The following ST18 variants were observed in gnomAD, a reference collection of about 807,000 sequenced individuals.
ST18 encodes the protein suppression of tumorigenicity 18 protein.
Under a neutral mutation model 110.0 loss-of-function variants are expected in ST18, and 50 were observed. The observed-to-expected ratio is 0.45, with a 90% CI of 0.36 to 0.58. The LOEUF is 0.58. ST18 is among the 20% of genes least tolerant of loss of function. The probability of loss-of-function intolerance (pLI) is 0.00; values close to 1 mark genes in which losing one functional copy is unlikely to be tolerated. For synonymous variants in ST18, 461 were observed against 452.4 expected (o/e 1.02, Z -0.24); for missense variants, 1,306 against 1,280.1 (o/e 1.02, Z -0.31).
intron 2 of ST18, among the ~76,000 whole-genome samples, chr8:52,250,948 A>G (rs1728249213): frequency 6.6e-6 from 1 of 152,178 alleles, no homozygotes; most frequent in Non-Finnish European, 1.5e-5. Flanking sequence ...TCTTGGTATT[A>G]AACCCCCATT....
rs930973484 is a variant in ST18, at chr8:52,319,291, T to C, written c.-464-89214A>G. Among the ~76,000 whole-genome samples, 56 of 152,318 alleles carry C rather than the reference T, an allele frequency of 3.7e-4. 1 individual carries two copies. The highest frequency in any genetic ancestry group is 7.1e-4 in the Non-Finnish European group (48 of 68,026). On this transcript the variant is annotated intron_variant, in intron 2 of 25. Transcript: ENST00000689386. ...AATACAAAGCATTTCTCTGTGTATA[T>C]ATGTACATATTAATTAACCATGCCA...
intron 14 of ST18, among the ~76,000 whole-genome samples, chr8:52,160,611 T>C (rs544001851): frequency 1.1e-4 from 17 of 152,342 alleles, no homozygotes; most frequent in South Asian, 1.0e-3. Flanking sequence ...TAAGTGACCA[T>C]AATGAAGAAA....
chr8:52,129,845 G>C (rs1053561347), intron 22 of ST18, among the ~76,000 whole-genome samples: 1 of 152,022 alleles, frequency 6.6e-6, no homozygotes, highest in Non-Finnish European at 1.5e-5. Context: ...AGGAGTTCGA[G>C]ACCAGCCTGA....
chr8:52,178,319 A>T (rs2067710726), intron 9 of ST18, among the ~76,000 whole-genome samples: 1 of 152,040 alleles, frequency 6.6e-6, no homozygotes, highest in Non-Finnish European at 1.5e-5. Flanking sequence ...CAACTTGCAA[A>T]TTTTCATGAA....
At chr8:52,388,925 C>A (rs908967682) in intron 2 of ST18, among the ~76,000 whole-genome samples, 1 of 150,368 alleles carries the variant, frequency 6.7e-6, no homozygotes, top group African/African-American at 2.4e-5. Flanking sequence ...TGTAACTAAC[C>A]TGCACATTGT....
chr8:52,174,430 C>T (rs1478813929), intron 9 of ST18, among the ~76,000 whole-genome samples: 1 of 152,236 alleles, frequency 6.6e-6, no homozygotes, highest in Admixed American at 6.5e-5. Flanking sequence ...CTCCACTTAA[C>T]TACCCACATG....
chr8:52,392,895 G>C (rs1839785036), intron 2 of ST18, among the ~76,000 whole-genome samples: 1 of 152,226 alleles, frequency 6.6e-6, no homozygotes, highest in Non-Finnish European at 1.5e-5. Flanking sequence ...TGACTGGTCT[G>C]ATTGGTTGTG....
intron 2 of ST18, among the ~76,000 whole-genome samples, chr8:52,293,020 G>A (rs1020931280): frequency 2.0e-5 from 3 of 152,142 alleles, no homozygotes; most frequent in African/African-American, 4.8e-5. Flanking sequence ...GAAATTAATC[G>A]ATCGTGAGAA....
chr8:52,236,953 C>G (rs2092765220), intron 2 of ST18, among the ~76,000 whole-genome samples: 1 of 152,178 alleles, frequency 6.6e-6, no homozygotes, highest in South Asian at 2.1e-4. Flanking sequence ...AATGGTGACA[C>G]ACTCTGTCTC....
At chr8:52,151,230 G>T (rs1393621932) in intron 15 of ST18, among the ~76,000 whole-genome samples, 6 of 151,880 alleles carry the variant, frequency 4.0e-5, no homozygotes, top group Non-Finnish European at 2.9e-5. Flanking sequence ...CCACTGGGCT[G>T]CATCAGCTGG....
intron 2 of ST18, among the ~76,000 whole-genome samples, chr8:52,334,307 C>G (rs1811034537): frequency 6.6e-6 from 1 of 152,096 alleles, no homozygotes; most frequent in Non-Finnish European, 1.5e-5. Context: ...CTAATTCTCC[C>G]TTGATAGTAT....
rs114345988 is a variant in ST18, at chr8:52,164,748, C to T, written c.1295+387G>A. ...TACAACCATTGAAGCCCTGTTGGTA[C>T]CTTTTTAATGTCTATTGGACAGGAT... is the stretch of plus-strand genomic sequence containing the variant. On this transcript the variant is annotated intron_variant, in intron 12 of 25. Transcript: ENST00000689386. Among the ~76,000 whole-genome samples, 7 of 152,170 alleles carry T rather than the reference C, an allele frequency of 4.6e-5. No individual in the cohort carries two copies. In the South Asian group the frequency reaches 8.3e-4, roughly 18 times the overall value.
chr8:52,205,114 C>T (rs2079497721), intron 8 of ST18, among the ~76,000 whole-genome samples: 1 of 149,730 alleles, frequency 6.7e-6, no homozygotes, highest in South Asian at 2.1e-4. Context: ...CACACACACA[C>T]ACTATGCTTT....
intron 2 of ST18, among the ~76,000 whole-genome samples, chr8:52,368,648 C>T (rs569557537): frequency 6.6e-6 from 1 of 152,176 alleles, no homozygotes; most frequent in Admixed American, 6.5e-5. Context: ...TCCAGGTTTC[C>T]GCATGTGGCG....
intron 2 of ST18, among the ~76,000 whole-genome samples, chr8:52,255,409 C>G (rs902890260): frequency 6.6e-6 from 1 of 152,128 alleles, no homozygotes; most frequent in Non-Finnish European, 1.5e-5. Flanking sequence ...AGCCCTTTTA[C>G]GTCTTAAAGG....
intron 23 of ST18, among the ~76,000 whole-genome samples, chr8:52,122,438 A>T (rs1182012421): frequency 6.6e-6 from 1 of 151,986 alleles, no homozygotes; most frequent in Non-Finnish European, 1.5e-5. Flanking sequence ...TTATATTTCA[A>T]ACAAATTCTA....
intron 10 of ST18, among the ~76,000 whole-genome samples, chr8:52,167,306 G>T (rs1419024082): frequency 6.6e-6 from 1 of 152,166 alleles, no homozygotes; most frequent in Non-Finnish European, 1.5e-5. Context: ...GGATGAACAG[G>T]CTCCCGAAAA....
intron 22 of ST18, among the ~76,000 whole-genome samples, chr8:52,131,058 TACTGAA>T: frequency 6.6e-6 from 1 of 152,242 alleles, no homozygotes; most frequent in South Asian, 2.1e-4. Flanking sequence ...AAACAGGTTT[TACTGAA>T]TATTTAAATA....
chr8:52,305,154 A>T (rs561308295), intron 2 of ST18, among the ~76,000 whole-genome samples: 17 of 152,364 alleles, frequency 1.1e-4, no homozygotes, highest in African/African-American at 4.1e-4. Flanking sequence ...AATGTAGCAT[A>T]AGAATAAAAT....
Sources: allele counts gnomAD v4.1 joint callset (sites outside exome capture counted in the v4.1 genomes callset), GRCh38; gene constraint gnomAD v4.1.1; transcripts MANE v1.5; gene names NCBI Gene and HGNC (gene_info 2026-07-23, HGNC 2026-07-21).